SEMA4F: variants seen among roughly 807,000 people sequenced by gnomAD.
SEMA4F encodes ssemaphorin 4F, also known as semaphorin-4F.
SEMA4F carries 51 observed loss-of-function variants against 78.4 expected under a neutral mutation model. The observed-to-expected ratio is 0.65, with a 90% confidence interval of 0.52 to 0.82. The LOEUF is 0.82. Ranked by LOEUF, SEMA4F falls within the 40% of genes least tolerant of loss-of-function variation. SEMA4F has a pLI of 0.00. For synonymous variants in SEMA4F, 418 were observed against 408.7 expected (o/e 1.02, Z -0.27); for missense variants, 938 against 1,014.4 (o/e 0.92, Z 1.02).
At position 74,679,670 on chromosome 2, in the gene SEMA4F, G is replaced by A. The variant is rs147985888; in HGVS notation, c.1774G>A (p.Ala592Thr). The A allele has an allele frequency of 1.3e-5, 21 of 1,613,792 alleles. No individual in the cohort carries two copies. The East Asian group carries it at 4.7e-4, about 36-fold the overall frequency. The change falls in exon 14 of 14, where the codon GCA becomes ACA. Residue 592 changes from alanine (A) to threonine (T), a missense_variant. Physicochemically the swap from Ala to Thr is moderately conservative, Grantham distance 58. Coordinates refer to ENST00000357877, the MANE Select transcript of SEMA4F (RefSeq NM_004263.5). ...GGTCTTGCCATGTTCTCCAAGCTCA[G>A]CATGGGCATCCTGTGTGTGGCACCA... ...HVVLPCSPSS[A>T]WASCVWHQPS...
At position 74,675,653 on chromosome 2, in the gene SEMA4F, A is replaced by G. The variant is rs369147810; in HGVS notation, c.1482+19A>G. 6 of 1,613,266 alleles carry G rather than the reference A, an allele frequency of 3.7e-6. No homozygotes were observed. The highest frequency in any genetic ancestry group is 1.7e-5 in the Admixed American group (1 of 60,022). ...GTACCACGTGAGTTGTAGATTTTGG[A>G]GAGTCTATTGGGGAGACATCTGAGT... On this transcript the variant is annotated intron_variant, in intron 11 of 13. Transcript: ENST00000357877.
At chr2:74,677,224 T>C (rs1437670318) in intron 12 of SEMA4F, among the ~76,000 whole-genome samples, 1 of 152,180 alleles carries the variant, frequency 6.6e-6, no homozygotes, top group African/African-American at 2.4e-5. Flanking sequence ...AAACATTTTA[T>C]TGTGGGAAAG....
intron 13 of SEMA4F, 79 bp from the exon 14 acceptor site, chr2:74,679,520 G>A (rs1558736626): frequency 5.2e-6 from 8 of 1,538,782 alleles, no homozygotes; most frequent in South Asian, 2.5e-5. Flanking sequence ...TTTCATGTCC[G>A]ACATCACCCC....
At chr2:74,688,019 A>G (rs917875483), downstream of SEMA4F, among the ~76,000 whole-genome samples, 2 of 152,206 alleles carry the variant, frequency 1.3e-5, no homozygotes, top group African/African-American at 2.4e-5. Context: ...TGATGTGGGC[A>G]TTGAGCTAAA....
At chr2:74,662,902 G>A (rs527351896) in intron 5 of SEMA4F, 77 bp downstream of exon 5, 1 of 1,256,052 alleles carries the variant, frequency 8.0e-7, no homozygotes, top group Admixed American at 1.7e-5. Context: ...GAATTTCTGT[G>A]TTCTTTCTTA....
chr2:74,666,564 A>G (rs534348495), intron 5 of SEMA4F, among the ~76,000 whole-genome samples: 37 of 152,312 alleles, frequency 2.4e-4, no homozygotes, highest in African/African-American at 8.4e-4. Flanking sequence ...ATCATAGTCA[A>G]TACTAATATT....
chr2:74,670,088 T>C (rs1255733235), intron 5 of SEMA4F, among the ~76,000 whole-genome samples: 1 of 152,224 alleles, frequency 6.6e-6, no homozygotes, highest in Non-Finnish European at 1.5e-5. Flanking sequence ...TTGCACATCA[T>C]CTTTTGCCAA....
chr2:74,676,406 A>G (rs1413631947), intron 12 of SEMA4F, among the ~76,000 whole-genome samples: 4 of 152,188 alleles, frequency 2.6e-5, no homozygotes, highest in Non-Finnish European at 5.9e-5. Context: ...TCTGAGTGCT[A>G]ATGACAACCA....
the SEMA4F span, among the ~76,000 whole-genome samples, chr2:74,706,372 G>C: frequency 2.0e-5 from 3 of 152,128 alleles, no homozygotes; most frequent in African/African-American, 7.2e-5. Flanking sequence ...TATTAGAGGG[G>C]CTCAGAACCC....
the SEMA4F span, among the ~76,000 whole-genome samples, chr2:74,704,854 T>C: frequency 6.6e-6 from 1 of 152,172 alleles, no homozygotes; most frequent in East Asian, 1.9e-4. Flanking sequence ...AGCCCTGGAA[T>C]CCTATGATTT....
At chr2:74,705,628 A>G in the SEMA4F span, among the ~76,000 whole-genome samples, 3 of 152,236 alleles carry the variant, frequency 2.0e-5, no homozygotes, top group Non-Finnish European at 2.9e-5. Context: ...CAGTGGCACA[A>G]TCATAGCTCA....
rs1333969015 is a variant in SEMA4F, at chr2:74,683,644, G to C, written c.*3435G>C. ...GCTGCTCACCCTCTGTATGGGCTTG[G>C]ATGAGGAGCTTCTCAGCGGCAGTCA... On this transcript the variant is annotated 3_prime_UTR_variant, in exon 14 of 14. Transcript: ENST00000357877. 1 of 152,178 alleles carries C rather than the reference G, an allele frequency of 6.6e-6. No individual in the cohort carries two copies. The highest frequency in any genetic ancestry group is 2.4e-5 in the African/African-American group (1 of 41,412). The allele number at this position is 152,178 out of a possible 1,614,324, so 9.4% of individuals were successfully genotyped here. A position where few individuals can be genotyped will look rare whatever the true frequency, so the allele number is the denominator to read the frequency against.
the SEMA4F span, among the ~76,000 whole-genome samples, chr2:74,701,030 C>T: frequency 3.3e-5 from 5 of 152,244 alleles, no homozygotes; most frequent in African/African-American, 1.2e-4. Flanking sequence ...CCTTCAGTAG[C>T]CCCTGATATT....
chr2:74,668,877 G>A (rs1684832444), intron 5 of SEMA4F, among the ~76,000 whole-genome samples: 1 of 129,636 alleles, frequency 7.7e-6, no homozygotes, highest in African/African-American at 3.1e-5. Flanking sequence ...TTATCCACCC[G>A]CCCCAGCCTC....
chr2:74,704,081 G>A, the SEMA4F span, among the ~76,000 whole-genome samples: 1 of 152,014 alleles, frequency 6.6e-6, no homozygotes. Context: ...GGTTCTTTGG[G>A]CCTAAATGAG....
chr2:74,663,072 A>T (rs1684508434), intron 5 of SEMA4F, among the ~76,000 whole-genome samples: 1 of 152,058 alleles, frequency 6.6e-6, no homozygotes, highest in African/African-American at 2.4e-5. Flanking sequence ...TCCTCTCTTA[A>T]CCTCATTTTC....
chr2:74,658,053 G>GCCCCC lies in SEMA4F; in HGVS notation c.456+102_456+103insCCCCC. ...GGAAGGGTTTTCTGTGAGCGACCAT[G>GCCCCC]ATGGGGGCATGGTCAAGGCAACCAT... On this transcript the variant is annotated intron_variant, in intron 4 of 13. Coordinates refer to ENST00000357877, the MANE Select transcript of SEMA4F (RefSeq NM_004263.5). This position sits in a 1 kb window ranked among gnomAD's most constrained non-coding sequence, Gnocchi z 4.3. 1 of 1,038,118 alleles carries GCCCCC rather than the reference G, an allele frequency of 9.6e-7. No individual in the cohort carries two copies. 64.3% of individuals were successfully genotyped at this position (1,038,118 alleles called of 1,614,324 possible).
downstream of SEMA4F, among the ~76,000 whole-genome samples, chr2:74,684,944 C>T (rs1191161573): frequency 6.6e-6 from 1 of 152,258 alleles, no homozygotes; most frequent in African/African-American, 2.4e-5. Flanking sequence ...TGCACTCCAG[C>T]ATGGGTGACA....
At chr2:74,693,925 A>ATTAT in the SEMA4F span, among the ~76,000 whole-genome samples, 1 of 152,106 alleles carries the variant, frequency 6.6e-6, no homozygotes, top group Admixed American at 6.5e-5. Flanking sequence ...CCATAAATCC[A>ATTAT]TTATTTTGTA....
Sources: allele counts gnomAD v4.1 joint callset (sites outside exome capture counted in the v4.1 genomes callset), GRCh38; gene constraint gnomAD v4.1.1; non-coding constraint Gnocchi (gnomAD v3.1); transcripts MANE v1.5; gene names NCBI Gene and HGNC (gene_info 2026-07-23, HGNC 2026-07-21).